ANO2: variants seen among roughly 807,000 people sequenced by gnomAD.
ANO2 encodes the protein anoctamin-2.
A neutral mutation model predicts 124.2 loss-of-function variants in ANO2; 101 were observed. That is an observed-to-expected ratio of 0.81 (90% CI 0.69 to 0.96). The LOEUF is 0.96. Ranked by LOEUF, ANO2 falls within the 40% of genes least tolerant of loss-of-function variation. The pLI is 0.00. For missense variants in ANO2, 1,293 were observed against 1,274.5 expected (o/e 1.01, Z -0.22); for synonymous variants, 486 against 482.5 (o/e 1.01, Z -0.09).
At chr12:5,661,455 A>G (rs779178847) in intron 14 of ANO2, among the ~76,000 whole-genome samples, 8 of 151,786 alleles carry the variant, frequency 5.3e-5, no homozygotes, top group African/African-American at 7.3e-5. Flanking sequence ...GTCTGTATCA[A>G]CTCCCTTCTG....
chr12:5,839,597 G>A (rs1350215236), intron 4 of ANO2: 1 of 455,822 alleles, frequency 2.2e-6, no homozygotes, highest in East Asian at 6.9e-5. Flanking sequence ...GCATCTCTGG[G>A]TACCTCCTAG....
intron 4 of ANO2, among the ~76,000 whole-genome samples, chr12:5,846,861 T>A (rs539188108): frequency 3.1e-4 from 47 of 152,370 alleles, no homozygotes; most frequent in African/African-American, 1.1e-3. Context: ...TCTGCAAAGA[T>A]CTTTTTTCCA....
chr12:5,919,437 G>A (rs1188993777), intron 3 of ANO2, among the ~76,000 whole-genome samples: 3 of 147,160 alleles, frequency 2.0e-5, no homozygotes, highest in African/African-American at 7.4e-5. Flanking sequence ...AAGCAGAGAG[G>A]GCAACAGCAC....
chr12:5,785,656 TACAC>T (rs71445677), intron 10 of ANO2, among the ~76,000 whole-genome samples: 4 of 149,604 alleles, frequency 2.7e-5, no homozygotes, highest in Non-Finnish European at 4.5e-5. Context: ...AGTCCTCTTG[TACAC>T]ACACACACAC....
intron 14 of ANO2, among the ~76,000 whole-genome samples, chr12:5,711,777 G>C (rs1949826580): frequency 6.6e-6 from 1 of 152,206 alleles, no homozygotes; most frequent in African/African-American, 2.4e-5. Context: ...AGACTAGAAT[G>C]TAGATTAACG....
At chr12:5,763,805 CAGAA>C (rs1347312407) in intron 10 of ANO2, among the ~76,000 whole-genome samples, 6 of 151,178 alleles carry the variant, frequency 4.0e-5, no homozygotes, top group African/African-American at 1.5e-4. Flanking sequence ...CCAAAGCAAG[CAGAA>C]AGAAAGAAAT....
At chr12:5,836,295 T>C (rs1954316006) in intron 4 of ANO2, among the ~76,000 whole-genome samples, 1 of 152,246 alleles carries the variant, frequency 6.6e-6, no homozygotes, top group South Asian at 2.1e-4. Context: ...TTAGGTCCCA[T>C]GCAATATTTG....
At chr12:5,582,930 G>A (rs147512394) in intron 20 of ANO2, among the ~76,000 whole-genome samples, 47 of 152,104 alleles carry the variant, frequency 3.1e-4, no homozygotes, top group African/African-American at 7.5e-4. Context: ...GGTGGAACTC[G>A]GTGCCTTGGG....
intron 14 of ANO2, among the ~76,000 whole-genome samples, chr12:5,726,085 T>G (rs563947473): frequency 1.7e-4 from 26 of 148,940 alleles, no homozygotes; most frequent in African/African-American, 6.2e-4. Context: ...TAAGAAAACC[T>G]CCAAACGTGT....
At position 5,830,493 on chromosome 12, in the gene ANO2, G is replaced by C; in HGVS notation, c.786-4C>G. The C allele has an allele frequency of 6.2e-7, 1 of 1,610,072 alleles. No individual in the cohort carries two copies. Among genetic ancestry groups the C allele is most frequent in the South Asian group, 1.1e-5 (1 of 89,724 alleles). On this transcript the variant is annotated splice_region_variant and splice_polypyrimidine_tract_variant and intron_variant, in intron 5 of 24. Coordinates refer to ENST00000682330, the MANE Select transcript of ANO2 (RefSeq NM_001364791.2). ...GTCCTTTTCCTGGATGTTGTACCTG[G>C]AGACACCAAGAGAGCAGATGGCAAA... is the stretch of plus-strand genomic sequence containing the variant.
intron 14 of ANO2, among the ~76,000 whole-genome samples, chr12:5,716,216 A>G (rs1950018128): frequency 6.6e-6 from 1 of 152,206 alleles, no homozygotes; most frequent in Non-Finnish European, 1.5e-5. Flanking sequence ...TGACTAAGCC[A>G]TGGTCTAGGG....
intron 3 of ANO2, among the ~76,000 whole-genome samples, chr12:5,897,211 A>G (rs371386046): frequency 9.2e-5 from 14 of 152,334 alleles, no homozygotes; most frequent in Middle Eastern, 3.4e-3. Flanking sequence ...TAGAGGAAGC[A>G]GCCAGAGAAG....
rs572199089 is a variant in ANO2, at chr12:5,908,057, G to A, written c.534+12983C>T. Reference sequence around the variant, plus strand: ...CACACACAAACTCGTAACCACGCACGGGCAGCGTGTGCAGGGAGCCAGCAG... The same window carrying A: ...CACACACAAACTCGTAACCACGCACAGGCAGCGTGTGCAGGGAGCCAGCAG... On this transcript the variant is annotated intron_variant, in intron 3 of 24. Coordinates refer to ENST00000682330, the MANE Select transcript of ANO2 (RefSeq NM_001364791.2). The surrounding 1 kb of genome is among the most constrained non-coding windows in gnomAD (Gnocchi z 4.7). Among the ~76,000 whole-genome samples, 6 of 152,332 alleles carry A rather than the reference G, an allele frequency of 3.9e-5. No homozygotes were observed. Among genetic ancestry groups the A allele is most frequent in the African/African-American group, 9.6e-5 (4 of 41,586 alleles).
At chr12:5,938,941 A>G (rs1942774089) in intron 1 of ANO2, among the ~76,000 whole-genome samples, 1 of 151,936 alleles carries the variant, frequency 6.6e-6, no homozygotes, top group Non-Finnish European at 1.5e-5. Flanking sequence ...TTTTGTGGCC[A>G]GGCAAGGTGG....
At chr12:5,748,882 A>C (rs986297294) in intron 11 of ANO2, among the ~76,000 whole-genome samples, 9 of 151,714 alleles carry the variant, frequency 5.9e-5, no homozygotes, top group East Asian at 3.9e-4. Context: ...AAAAAAAAAA[A>C]AAAAAACAAA....
chr12:5,597,217 A>G (rs968608622), intron 20 of ANO2, among the ~76,000 whole-genome samples: 2 of 152,068 alleles, frequency 1.3e-5, no homozygotes, highest in African/African-American at 4.8e-5. Flanking sequence ...CCTAGTACCC[A>G]TTAGTTCTTT....
At chr12:5,795,361 C>T (rs1156542349) in intron 10 of ANO2, among the ~76,000 whole-genome samples, 3 of 152,206 alleles carry the variant, frequency 2.0e-5, no homozygotes, top group Admixed American at 2.0e-4. Context: ...GCTTCATGCC[C>T]AGGGCCTGAC....
intron 10 of ANO2, among the ~76,000 whole-genome samples, chr12:5,763,064 T>C (rs1475458924): frequency 6.6e-6 from 1 of 152,044 alleles, no homozygotes; most frequent in Non-Finnish European, 1.5e-5. Context: ...TACTATTTAC[T>C]CAAGTGTTTT....
intron 9 of ANO2, among the ~76,000 whole-genome samples, chr12:5,804,197 C>T (rs1268793098): frequency 6.6e-6 from 1 of 152,156 alleles, no homozygotes; most frequent in African/African-American, 2.4e-5. Context: ...CACACTTGGG[C>T]GTTTTTGCTC....
Sources: allele counts gnomAD v4.1 joint callset (sites outside exome capture counted in the v4.1 genomes callset), GRCh38; gene constraint gnomAD v4.1.1; non-coding constraint Gnocchi (gnomAD v3.1); transcripts MANE v1.5; gene names NCBI Gene and HGNC (gene_info 2026-07-23, HGNC 2026-07-21).